The following SNX32 variants were observed in gnomAD, a reference collection of about 807,000 sequenced individuals.
SNX32 encodes the protein sorting nexin 32.
A neutral mutation model predicts 57.0 loss-of-function variants in SNX32; 58 were observed. The ratio of observed to expected loss-of-function variants is 1.02; its 90% CI spans 0.82 to 1.27. SNX32 has a LOEUF of 1.27. Ranked by LOEUF, SNX32 falls within the 50% of genes most tolerant of loss-of-function variation. The pLI, the probability that SNX32 is intolerant of heterozygous loss-of-function variation, is 0.00. For synonymous variants in SNX32, 262 were observed against 220.4 expected (o/e 1.19, Z -1.67); for missense variants, 589 against 541.2 (o/e 1.09, Z -0.88).
rs758206691 is a variant in SNX32 at position 65,850,139 on chromosome 11, C to T, written c.253-11C>T. ...TGAGAGGCCTCCCAGCTCCGTCCCT[C>T]CTTTGAGCAGATCCCCCCAGCCCCT... On this transcript the variant is annotated splice_polypyrimidine_tract_variant and intron_variant, in intron 3 of 12. Transcript: ENST00000308342. 1.2e-6 allele frequency: 2 copies of T among 1,614,248 alleles called. No individual in the cohort carries two copies. Among genetic ancestry groups the T allele is most frequent in the South Asian group, 2.2e-5 (2 of 91,090 alleles).
intron 1 of SNX32, among the ~76,000 whole-genome samples, chr11:65,842,889 G>A (rs1288292098): frequency 1.4e-5 from 2 of 142,506 alleles, no homozygotes; most frequent in Admixed American, 1.5e-4. Context: ...GGCGGAGGTT[G>A]CAATGAGCCG....
At position 65,851,078 on chromosome 11, in the gene SNX32, T is replaced by C. The variant is rs1183789591; in HGVS notation, c.627T>C (p.His209=). ...AGGAGGTGGATGACTTCTTTGAGCA[T>C]GAGAGGACCTTCCTGTTGGAGTATC... The part of the protein sequence containing the change: ...GLKEVDDFFE[H]ERTFLLEYHT... Residue 209 remains histidine, a synonymous_variant, in exon 7 of 13, where the codon CAT becomes CAC. Transcript: ENST00000308342. 3 of 1,610,520 alleles carry C rather than the reference T, an allele frequency of 1.9e-6. No homozygotes were observed. The highest frequency in any genetic ancestry group is 1.7e-5 in the Admixed American group (1 of 60,018).
At chr11:65,850,635 TGGA>T (rs916851508) in intron 5 of SNX32, 81 bp downstream of exon 5, 36 of 1,559,598 alleles carry the variant, frequency 2.3e-5, no homozygotes, top group Non-Finnish European at 3.1e-5. Context: ...GTGGCAGGGC[TGGA>T]GAAGGGGCCC....
In SNX32 at chr11:65,850,439, T is replaced by C; in HGVS notation, c.383T>C (p.Leu128Pro). ...KMKQELEAEY[L>P]AIFKKTVAMH... is the part of the protein sequence containing the mutation. ...TGCTGCCACTCTCGCAGGGAGTACCTGGCCATCTTTAAGAAGACAGTTGCG... is the reference window on the plus strand; with the variant it reads ...TGCTGCCACTCTCGCAGGGAGTACCCGGCCATCTTTAAGAAGACAGTTGCG... Residue 128 changes from leucine to proline, a missense_variant, in exon 5 of 13, where the codon CTG (leucine) becomes CCG (proline). By Grantham distance (98) the Leu-to-Pro change is moderately conservative. Transcript: ENST00000308342. 25 of 1,614,192 alleles carry C rather than the reference T, an allele frequency of 1.5e-5. No homozygotes were observed. Among genetic ancestry groups the C allele is most frequent in the South Asian group, 2.2e-5 (2 of 91,086 alleles).
chr11:65,853,175 T>C (rs1859278618), intron 12 of SNX32, 107 bp from the exon 13 acceptor site: 3 of 1,498,586 alleles, frequency 2.0e-6, no homozygotes, highest in African/African-American at 1.4e-5. Context: ...GCAGCTGTTA[T>C]TGCAGAGAGC....
Position 65,850,765 on chromosome 11 carries a change from G to T in SNX32, c.513G>T (p.Gly171=). The change falls in exon 6 of 13, where the codon GGG becomes GGT. Residue 171 remains glycine (G), a synonymous_variant. Transcript: ENST00000308342. ...LEYGQDLSVR[G]KNRKELLGGF... is the part of the protein sequence containing the mutation. Reference sequence around the variant, plus strand: ...GTGTGCCTCAGCTGAGTGTCCGGGGGAAGAACAGGAAGGAGCTCCTCGGAG... The same window carrying T: ...GTGTGCCTCAGCTGAGTGTCCGGGGTAAGAACAGGAAGGAGCTCCTCGGAG... The T allele has an allele frequency of 6.2e-7, 1 of 1,614,088 alleles. No homozygotes were observed. Among genetic ancestry groups the T allele is most frequent in the Middle Eastern group, 1.7e-4 (1 of 6,056 alleles).
intron 12 of SNX32, 136 bp from the exon 13 acceptor site, chr11:65,853,146 T>C (rs1365353184): frequency 1.2e-5 from 16 of 1,362,504 alleles, no homozygotes; most frequent in Non-Finnish European, 1.6e-5. Context: ...GCCTTCTGGG[T>C]AGGAAGGCCC....
intron 12 of SNX32, 116 bp downstream of exon 12, chr11:65,853,074 T>C (rs1859272943): frequency 1.6e-6 from 2 of 1,289,614 alleles, no homozygotes; most frequent in South Asian, 1.2e-5. Context: ...TATGCGCGTG[T>C]GTGTGCATGA....
intron 1 of SNX32, among the ~76,000 whole-genome samples, chr11:65,843,880 A>C (rs1472489912): frequency 6.6e-6 from 1 of 152,240 alleles, no homozygotes; most frequent in African/African-American, 2.4e-5. Flanking sequence ...CTGATCTTTC[A>C]AAGAGGTGGC....
intron 8 of SNX32, 24 bp downstream of exon 8, chr11:65,851,427 CCT>C: frequency 6.2e-7 from 1 of 1,612,094 alleles, no homozygotes; most frequent in Non-Finnish European, 8.5e-7. Context: ...CCACCCCTAC[CCT>C]CTCCCTGTGC....
chr11:65,850,112 A>G, intron 3 of SNX32, 38 bp from the exon 4 acceptor site: 4 of 1,614,216 alleles, frequency 2.5e-6, no homozygotes, highest in Non-Finnish European at 3.4e-6. Flanking sequence ...CCGTCTCGGC[A>G]GTGAGAGGCC....
At position 65,851,353 on chromosome 11, in the gene SNX32, C is replaced by T; in HGVS notation, c.735C>T (p.Ile245=). The change falls in exon 8 of 13, where the codon ATC becomes ATT. Residue 245 remains isoleucine (I), a synonymous_variant. Coordinates refer to ENST00000308342, the MANE Select transcript of SNX32 (RefSeq NM_152760.3). ...HKCLADDYIP[I]SAALSSLGTQ... ...GCCTGGCAGACGATTATATCCCTAT[C>T]TCAGCTGCGCTGAGCAGTCTGGGAA... 6.2e-7 allele frequency: 1 copy of T among 1,614,164 alleles called. No homozygotes were observed. Among genetic ancestry groups the T allele is most frequent in the Non-Finnish European group, 8.5e-7 (1 of 1,180,010 alleles).
intron 12 of SNX32, 156 bp downstream of exon 12, chr11:65,853,114 G>C (rs576407037): frequency 1.5e-6 from 1 of 686,508 alleles, no homozygotes; most frequent in East Asian, 1.3e-4. Flanking sequence ...TTGGGGCCAT[G>C]CTTCCCTGGC....
intron 1 of SNX32, among the ~76,000 whole-genome samples, chr11:65,839,058 A>T (rs1236953567): frequency 6.6e-6 from 1 of 150,482 alleles, no homozygotes; most frequent in Non-Finnish European, 1.5e-5. Context: ...TATTATTATT[A>T]TTATTTTTGA....
Position 65,851,686 on chromosome 11 carries a change from A to G in SNX32, c.825+7A>G, listed in dbSNP as rs747939225. Reference sequence around the variant, plus strand: ...GCTCTTTGAACGGCTGAGGGTGAGTACTGCCTTCTGTGCTCAAAGGCTTTC... The same window carrying G: ...GCTCTTTGAACGGCTGAGGGTGAGTGCTGCCTTCTGTGCTCAAAGGCTTTC... On this transcript the variant is annotated splice_region_variant and intron_variant, in intron 9 of 12. Transcript: ENST00000308342. The G allele has an allele frequency of 1.6e-5, 26 of 1,613,934 alleles. No individual in the cohort carries two copies. Among genetic ancestry groups the G allele is most frequent in the Non-Finnish European group, 2.2e-5 (26 of 1,179,948 alleles).
intron 1 of SNX32, among the ~76,000 whole-genome samples, chr11:65,849,139 T>TA (rs937978975): frequency 1.4e-4 from 22 of 152,160 alleles, no homozygotes; most frequent in Non-Finnish European, 2.6e-4. Flanking sequence ...AGACTCCGTC[T>TA]AAAAAAACAA....
chr11:65,850,720 C>T (rs1313803950), intron 5 of SNX32, 31 bp from the exon 6 acceptor site: 2 of 1,607,004 alleles, frequency 1.2e-6, no homozygotes, highest in Admixed American at 3.3e-5. Context: ...GAACGCCCAC[C>T]CCAGCATCAT....
intron 1 of SNX32, among the ~76,000 whole-genome samples, chr11:65,847,698 T>C (rs1859039736): frequency 6.6e-6 from 1 of 152,006 alleles, no homozygotes; most frequent in Non-Finnish European, 1.5e-5. Flanking sequence ...TCACTTGAGC[T>C]CACAAGTTCA....
chr11:65,844,965 CAAAA>C (rs58832475), intron 1 of SNX32, among the ~76,000 whole-genome samples: 7 of 125,528 alleles, frequency 5.6e-5, no homozygotes, highest in Admixed American at 1.6e-4. Flanking sequence ...GACTCTGTCT[CAAAA>C]AAAAAAAAAA....
Sources: gnomAD v4.1 joint callset for allele counts (sites outside exome capture counted in the v4.1 genomes callset) on GRCh38, gnomAD v4.1.1 for gene constraint, MANE v1.5 for transcripts, NCBI Gene and HGNC (gene_info 2026-07-23, HGNC 2026-07-21) for gene names.